Variants in PRKAB1 observed in about 807,000 individuals in gnomAD.
PRKAB1 encodes 5'-AMP-activated protein kinase subunit beta-1.
Under a neutral mutation model 32.0 loss-of-function variants are expected in PRKAB1, and 18 were observed. The ratio of observed to expected loss-of-function variants is 0.56; its 90% CI spans 0.39 to 0.83. The LOEUF (loss-of-function observed/expected upper bound fraction) is 0.83, where lower values mean the gene tolerates loss of function less well. Among genes scored for constraint, PRKAB1 ranks in the 40% least tolerant of loss-of-function variants. The probability of loss-of-function intolerance (pLI) is 0.00; values close to 1 mark genes in which losing one functional copy is unlikely to be tolerated. For synonymous variants in PRKAB1, 141 were observed against 141.4 expected, an observed-to-expected ratio of 1.00 and a Z score of 0.02; for missense variants, 263 against 352.6, an observed-to-expected ratio of 0.75 and a Z score of 2.03.
rs1955410784 is a variant in PRKAB1 at position 119,674,793 on chromosome 12, G to A, written c.532+339G>A. On this transcript the variant is annotated intron_variant, in intron 4 of 6. Coordinates refer to ENST00000229328, the MANE Select transcript of PRKAB1 (RefSeq NM_006253.5). This position sits in a 1 kb window ranked among gnomAD's most constrained non-coding sequence, Gnocchi z 4.3. ...CTGAGTCAGTGACAGCCCAGCACTG[G>A]GGAAGCCTGTGTCTCATCCCACTTG... Among the ~76,000 whole-genome samples the A allele has an allele frequency of 6.6e-6, 1 of 152,226 alleles. No individual in the cohort carries two copies. Among genetic ancestry groups the A allele is most frequent in the Non-Finnish European group, 1.5e-5 (1 of 68,040 alleles).
At chr12:119,677,456 T>TACCCAACAGGGC (rs1469552039) in intron 5 of PRKAB1, 1 of 152,298 alleles carries the variant, frequency 6.6e-6, no homozygotes, top group Non-Finnish European at 1.5e-5. Context: ...CCCTACAGGG[T>TACCCAACAGGGC]ACCCAACAGG....
At position 119,679,902 on chromosome 12, in the gene PRKAB1, A is replaced by G. The variant is rs141462205; in HGVS notation, c.667-31A>G. ...GGAGAATCTTGGTTTCCAAATCCCA[A>G]ATGCTCACCGCTGCCTTTGTTCCCT... is the stretch of plus-strand genomic sequence containing the variant. On this transcript the variant is annotated intron_variant, in intron 5 of 6. Coordinates refer to ENST00000229328, the MANE Select transcript of PRKAB1 (RefSeq NM_006253.5). The surrounding 1 kb of genome is among the most constrained non-coding windows in gnomAD (Gnocchi z 4.1). The G allele has an allele frequency of 3.4e-4, 552 of 1,610,058 alleles. No homozygotes were observed. The highest frequency in any genetic ancestry group is 4.5e-4 in the Non-Finnish European group (534 of 1,176,344).
intron 1 of PRKAB1, among the ~76,000 whole-genome samples, chr12:119,669,189 G>A (rs113502340): frequency 1.8e-4 from 27 of 152,048 alleles, no homozygotes; most frequent in African/African-American, 5.3e-4. Flanking sequence ...TCGAACTCCC[G>A]GGTTCAAGCA....
In PRKAB1 at chr12:119,672,332, A is replaced by G. The variant is rs1042433129; in HGVS notation, c.191A>G (p.Gln64Arg). The change falls in exon 2 of 7, where the codon CAG (glutamine) becomes CGG (arginine). Residue 64 changes from glutamine to arginine, a missense_variant. Gln to Arg is a conservative substitution (Grantham distance 43). Transcript: ENST00000229328. ...APEKEEFLAW[Q>R]HDLEVNDKAP... ...GAGAAGGAGGAATTCCTGGCCTGGC[A>G]GCATGATCTGGAAGTGAATGATAAA... 1 of 1,610,792 alleles carries G rather than the reference A, an allele frequency of 6.2e-7. No individual in the cohort carries two copies. Among genetic ancestry groups the G allele is most frequent in the Admixed American group, 1.7e-5 (1 of 59,512 alleles).
At position 119,672,442 on chromosome 12, in the gene PRKAB1, A is replaced by T. The variant is rs1955395315; in HGVS notation, c.301A>T (p.Ser101Cys). The T allele has an allele frequency of 2.5e-6, 4 of 1,592,992 alleles. No individual in the cohort carries two copies. Among genetic ancestry groups the T allele is most frequent in the Non-Finnish European group, 3.4e-6 (4 of 1,168,714 alleles). Residue 101 changes from serine to cysteine, a missense_variant, in exon 2 of 7, where the codon AGT (serine) becomes TGT (cysteine). Physicochemically the swap from Ser to Cys is moderately radical, Grantham distance 112. Transcript: ENST00000229328. ...CTTATCTGGGTCCTTCAACAACTGGAGTAAACTTCCCCTCACCAGAAGGTA... is the reference window on the plus strand; with the variant it reads ...CTTATCTGGGTCCTTCAACAACTGGTGTAAACTTCCCCTCACCAGAAGGTA... ...VYLSGSFNNW[S>C]KLPLTRSHNN...
intron 1 of PRKAB1, chr12:119,669,908 A>T (rs1955374298): frequency 6.6e-6 from 1 of 152,220 alleles, no homozygotes; most frequent in African/African-American, 2.4e-5. Context: ...TACATAGAAA[A>T]GTCTTTCAGC....
At chr12:119,677,278 C>CT (rs2136858400) in intron 5 of PRKAB1, 2 of 152,444 alleles carry the variant, frequency 1.3e-5, no homozygotes, top group South Asian at 4.1e-4. Flanking sequence ...CAAGCTACCT[C>CT]TTAAGAGGCA....
chr12:119,680,383 A>C lies in PRKAB1; in HGVS notation c.*58A>C. On this transcript the variant is annotated 3_prime_UTR_variant, in exon 7 of 7. Coordinates refer to ENST00000229328, the MANE Select transcript of PRKAB1 (RefSeq NM_006253.5). The stretch of plus-strand genomic sequence containing the variant: ...GCACACCACCAGGCTCCACACGTGC[A>C]TGCTTTCCCCAAGAGGGAATGGACT... 6.7e-7 allele frequency: 1 copy of C among 1,498,104 alleles called. No homozygotes were observed. Among genetic ancestry groups the C allele is most frequent in the Admixed American group, 1.7e-5 (1 of 58,492 alleles). 92.8% of individuals were successfully genotyped at this position (1,498,104 alleles called of 1,614,324 possible).
chr12:119,672,803 A>G lies in PRKAB1; in HGVS notation c.323+339A>G, dbSNP rs546804531. Among the ~76,000 whole-genome samples the G allele has an allele frequency of 4.6e-5, 7 of 152,310 alleles. No homozygotes were observed. The South Asian group carries it at 1.5e-3, about 32-fold the overall frequency. On this transcript the variant is annotated intron_variant, in intron 2 of 6. Transcript: ENST00000229328. The stretch of plus-strand genomic sequence containing the variant: ...CTTAGAAACCCACATTTGAGCCCAC[A>G]TTGGCCATGCTGTCAGTCACCTAAC...
intron 1 of PRKAB1, chr12:119,671,485 C>G (rs780377399): frequency 2.7e-6 from 1 of 373,300 alleles, no homozygotes; most frequent in Non-Finnish European, 5.6e-6. Flanking sequence ...TAAAAGGCAC[C>G]TCTTCACAGG....
In PRKAB1 at chr12:119,668,268, C is replaced by G. The variant is rs1043352; in HGVS notation, c.24C>G (p.Arg8=). 1 of 1,606,974 alleles carries G rather than the reference C, an allele frequency of 6.2e-7. No homozygotes were observed. Among genetic ancestry groups the G allele is most frequent in the East Asian group, 2.2e-5 (1 of 44,508 alleles). MGNTSSE[R]AALERHGGHK... The stretch of plus-strand genomic sequence containing the variant: ...TCATGGGCAATACCAGCAGTGAGCG[C>G]GCCGCGCTGGAGCGGCATGGTGGCC... The change falls in exon 1 of 7, where the codon CGC becomes CGG. Residue 8 remains arginine (R), a synonymous_variant. Transcript: ENST00000229328.
At chr12:119,680,105 C>A in intron 6 of PRKAB1, 104 bp downstream of exon 6, 1 of 1,500,270 alleles carries the variant, frequency 6.7e-7, no homozygotes. Flanking sequence ...GGGCAGCTTC[C>A]AGGGTCTGGC....
chr12:119,676,678 T>C lies in PRKAB1; in HGVS notation c.666+8T>C, dbSNP rs1210131043. ...AAGGACACGGGGATTTCCGTAAGTATGTGGGCATCTGCCCGGACCATCCGC... is the reference window on the plus strand; with the variant it reads ...AAGGACACGGGGATTTCCGTAAGTACGTGGGCATCTGCCCGGACCATCCGC... On this transcript the variant is annotated splice_region_variant and intron_variant, in intron 5 of 6. Coordinates refer to ENST00000229328, the MANE Select transcript of PRKAB1 (RefSeq NM_006253.5). 2 of 1,613,362 alleles carry C rather than the reference T, an allele frequency of 1.2e-6. No homozygotes were observed. Among genetic ancestry groups the C allele is most frequent in the East Asian group, 2.2e-5 (1 of 44,850 alleles).
At chr12:119,680,154 A>G in intron 6 of PRKAB1, 94 bp from the exon 7 acceptor site, 2 of 1,497,162 alleles carry the variant, frequency 1.3e-6, no homozygotes, top group Non-Finnish European at 9.2e-7. Context: ...TGGCCCGGGA[A>G]TTTGTGGTTT....
rs532734977 is a variant in PRKAB1 at position 119,676,497 on chromosome 12, C to G, written c.533-40C>G. 9 of 1,552,750 alleles carry G rather than the reference C, an allele frequency of 5.8e-6. No homozygotes were observed. The East Asian group carries it at 1.8e-4, about 32-fold the overall frequency. Reference sequence around the variant, plus strand: ...ATAAGTAAGGCTGCTCCTAGAATGCCTGATTTTCAAAGTAAAGTCCTGTTA... The same window carrying G: ...ATAAGTAAGGCTGCTCCTAGAATGCGTGATTTTCAAAGTAAAGTCCTGTTA... On this transcript the variant is annotated intron_variant, in intron 4 of 6. Coordinates refer to ENST00000229328, the MANE Select transcript of PRKAB1 (RefSeq NM_006253.5).
chr12:119,672,769 G>A (rs1362649687), intron 2 of PRKAB1, among the ~76,000 whole-genome samples: 1 of 152,164 alleles, frequency 6.6e-6, no homozygotes, highest in Non-Finnish European at 1.5e-5. Context: ...GGGAGCACTG[G>A]GCTGGAATCT....
At chr12:119,680,149 C>CG in intron 6 of PRKAB1, 99 bp from the exon 7 acceptor site, 1 of 1,492,788 alleles carries the variant, frequency 6.7e-7, no homozygotes, top group Non-Finnish European at 9.3e-7. Context: ...GAAGCTGGCC[C>CG]GGGAATTTGT....
intron 1 of PRKAB1, among the ~76,000 whole-genome samples, chr12:119,670,307 C>T (rs2136850576): frequency 6.6e-6 from 1 of 152,336 alleles, no homozygotes; most frequent in East Asian, 1.9e-4. Context: ...AATCATCATC[C>T]ATTTAATTGC....
chr12:119,668,401 A>G lies in PRKAB1; in HGVS notation c.157A>G (p.Lys53Glu). 2 of 1,612,488 alleles carry G rather than the reference A, an allele frequency of 1.2e-6. No homozygotes were observed. Among genetic ancestry groups the G allele is most frequent in the Non-Finnish European group, 1.7e-6 (2 of 1,179,300 alleles). ...CGACCTCTTCCACTCCGAGGAAATC[A>G]AGGTGCGAGCGGTGTGGAGGAACCC... ...DADLFHSEEI[K>E]APEKEEFLAW... Residue 53 changes from lysine to glutamate, a missense_variant and splice_region_variant, in exon 1 of 7, where the codon AAG becomes GAG. Transcript: ENST00000229328.
Sources: gnomAD v4.1 joint callset for allele counts (sites outside exome capture counted in the v4.1 genomes callset) on GRCh38, gnomAD v4.1.1 for gene constraint, Gnocchi (gnomAD v3.1) non-coding constraint, MANE v1.5 for transcripts, NCBI Gene and HGNC (gene_info 2026-07-23, HGNC 2026-07-21) for gene names.